Variants in CDK14 observed in about 807,000 individuals in gnomAD.
CDK14 encodes cyclin dependent kinase 14, also known as cyclin-dependent kinase 14.
In CDK14, 34 loss-of-function variants were observed where a neutral mutation model predicts 60.7. The observed-to-expected ratio is 0.56, with a 90% CI of 0.43 to 0.75. CDK14 has a LOEUF of 0.75. Ranked by LOEUF, CDK14 falls within the 30% of genes least tolerant of loss-of-function variation. The pLI, the probability that CDK14 is intolerant of heterozygous loss-of-function variation, is 0.00. For missense variants in CDK14, 482 were observed against 564.1 expected, an observed-to-expected ratio of 0.85 and a Z score of 1.47; for synonymous variants, 197 against 203.7, an observed-to-expected ratio of 0.97 and a Z score of 0.28.
At chr7:90,921,672 G>T (rs970661274) in intron 8 of CDK14, among the ~76,000 whole-genome samples, 4 of 152,036 alleles carry the variant, frequency 2.6e-5, no homozygotes, top group African/African-American at 9.7e-5. Flanking sequence ...AAGTTGCCCC[G>T]AGAATGAGAG....
At chr7:91,153,844 C>T (rs1350399354) in intron 14 of CDK14, among the ~76,000 whole-genome samples, 1 of 152,020 alleles carries the variant, frequency 6.6e-6, no homozygotes, top group African/African-American at 2.4e-5. Flanking sequence ...ACGAGCTTAC[C>T]TATGTAACAA....
intron 10 of CDK14, among the ~76,000 whole-genome samples, chr7:90,992,157 C>T (rs1310910409): frequency 6.6e-6 from 1 of 152,170 alleles, no homozygotes; most frequent in Non-Finnish European, 1.5e-5. Flanking sequence ...GGTCATTAGT[C>T]TTACATGAAA....
chr7:90,629,643 G>C (rs895279194), intron 2 of CDK14, among the ~76,000 whole-genome samples: 1 of 152,198 alleles, frequency 6.6e-6, no homozygotes, highest in African/African-American at 2.4e-5. Flanking sequence ...CTAACTAAGT[G>C]AATGCTTATT....
At chr7:91,197,947 G>A (rs991816968) in intron 14 of CDK14, among the ~76,000 whole-genome samples, 1 of 152,218 alleles carries the variant, frequency 6.6e-6, no homozygotes, top group African/African-American at 2.4e-5. Flanking sequence ...GTCCTTGGTC[G>A]ATCAGTTGTT....
At chr7:90,860,561 A>G (rs754359725) in intron 5 of CDK14, among the ~76,000 whole-genome samples, 3 of 131,332 alleles carry the variant, frequency 2.3e-5, no homozygotes, top group Non-Finnish European at 3.1e-5. Flanking sequence ...GAGTCTCACT[A>G]TGTTGCCAGG....
At chr7:90,832,645 G>A (rs1213856383) in intron 5 of CDK14, among the ~76,000 whole-genome samples, 4 of 152,120 alleles carry the variant, frequency 2.6e-5, no homozygotes, top group Non-Finnish European at 5.9e-5. Flanking sequence ...TGAACATATT[G>A]TTAAATATTG....
chr7:91,000,806 G>A (rs1466917777), intron 10 of CDK14, among the ~76,000 whole-genome samples: 1 of 152,184 alleles, frequency 6.6e-6, no homozygotes, highest in East Asian at 1.9e-4. Flanking sequence ...GAATCATCTA[G>A]AATGTTTATG....
intron 2 of CDK14, chr7:90,709,700 C>A (rs775315961): frequency 6.7e-7 from 1 of 1,501,944 alleles, no homozygotes; most frequent in Admixed American, 2.1e-5. Flanking sequence ...GTTAGCATGT[C>A]CTTTGAGTTC....
intron 10 of CDK14, among the ~76,000 whole-genome samples, chr7:91,018,964 G>A (rs903253924): frequency 5.9e-5 from 9 of 151,960 alleles, no homozygotes; most frequent in South Asian, 4.1e-4. Context: ...TGGCTTAATC[G>A]CCTCTCAAAG....
intron 2 of CDK14, among the ~76,000 whole-genome samples, chr7:90,673,018 T>C (rs1297905545): frequency 6.6e-6 from 1 of 152,204 alleles, no homozygotes; most frequent in African/African-American, 2.4e-5. Flanking sequence ...TTTTTTTCTT[T>C]TAACATAGAA....
At chr7:91,054,490 A>G (rs772577032) in intron 11 of CDK14, among the ~76,000 whole-genome samples, 5 of 152,202 alleles carry the variant, frequency 3.3e-5, no homozygotes, top group Admixed American at 6.5e-5. Context: ...TTTATGAACT[A>G]TGTGAACATT....
At chr7:90,838,629 A>G (rs896494744) in intron 5 of CDK14, among the ~76,000 whole-genome samples, 1 of 152,142 alleles carries the variant, frequency 6.6e-6, no homozygotes, top group African/African-American at 2.4e-5. Context: ...GTAGGTCTAT[A>G]GATAGCCGCT....
chr7:90,792,209 T>C (rs1805862429), intron 5 of CDK14, among the ~76,000 whole-genome samples: 1 of 151,738 alleles, frequency 6.6e-6, no homozygotes, highest in African/African-American at 2.4e-5. Flanking sequence ...TTTTTTTTTT[T>C]TTCTTTCTAA....
rs933892435 is a variant in CDK14 at position 90,714,815 on chromosome 7, T to C, written c.124-11752T>C. Among the ~76,000 whole-genome samples the C allele has an allele frequency of 3.9e-4, 60 of 152,094 alleles. 1 individual carries two copies. The highest frequency in any genetic ancestry group is 1.5e-5 in the Non-Finnish European group (1 of 67,974). Reference sequence around the variant, plus strand: ...ATCATTCTTGACATCAACCACTAAATTATTATCCAAGCACTAATAATACAT... The same window carrying C: ...ATCATTCTTGACATCAACCACTAAACTATTATCCAAGCACTAATAATACAT... On this transcript the variant is annotated intron_variant, in intron 2 of 14. Transcript: ENST00000380050.
chr7:90,673,453 C>G (rs1451737261), intron 2 of CDK14, among the ~76,000 whole-genome samples: 1 of 140,560 alleles, frequency 7.1e-6, no homozygotes, highest in Non-Finnish European at 1.6e-5. Context: ...GGCTGGAGTG[C>G]TGTGGCACAA....
intron 5 of CDK14, among the ~76,000 whole-genome samples, chr7:90,792,034 C>T (rs10224826): frequency 0.43 from 64,720 of 150,996 alleles, 14,505 homozygotes; most frequent in East Asian, 0.81. Context: ...TCCTGCATAG[C>T]TGGGATTACA....
chr7:91,152,963 T>C (rs1016155382), intron 14 of CDK14, among the ~76,000 whole-genome samples: 1 of 152,186 alleles, frequency 6.6e-6, no homozygotes, highest in African/African-American at 2.4e-5. Flanking sequence ...ATAGTATAAA[T>C]AAGTCAAAGC....
At chr7:90,805,776 C>A (rs1788803070) in intron 5 of CDK14, among the ~76,000 whole-genome samples, 1 of 151,938 alleles carries the variant, frequency 6.6e-6, no homozygotes, top group South Asian at 2.1e-4. Flanking sequence ...AATTGGCCAT[C>A]TGAGCTACAA....
intron 6 of CDK14, among the ~76,000 whole-genome samples, chr7:90,895,802 C>T (rs1055418440): frequency 2.3e-4 from 30 of 131,802 alleles, no homozygotes; most frequent in African/African-American, 7.9e-4. Context: ...TCTTGAACTT[C>T]TGACCTCAAG....
Sources: allele counts gnomAD v4.1 joint callset (sites outside exome capture counted in the v4.1 genomes callset), GRCh38; gene constraint gnomAD v4.1.1; transcripts MANE v1.5; gene names NCBI Gene and HGNC (gene_info 2026-07-23, HGNC 2026-07-21).